DEPDC1B: variants seen among roughly 807,000 people sequenced by gnomAD.
DEPDC1B encodes DEP domain-containing protein 1B.
DEPDC1B carries 51 observed loss-of-function variants against 66.5 expected under a neutral mutation model. The observed-to-expected ratio is 0.77, with a 90% CI of 0.61 to 0.97. The LOEUF (loss-of-function observed/expected upper bound fraction) is 0.97, where lower values mean the gene tolerates loss of function less well. DEPDC1B is among the 50% of genes least tolerant of loss of function. The pLI is 0.00. For synonymous variants in DEPDC1B, 226 were observed against 223.6 expected (o/e 1.01, Z -0.10); for missense variants, 552 against 637.1 (o/e 0.87, Z 1.44).
chr5:60,699,937 C>T, intron 1 of DEPDC1B, 109 bp downstream of exon 1: 1 of 1,350,662 alleles, frequency 7.4e-7, no homozygotes, highest in Non-Finnish European at 1.0e-6. Flanking sequence ...GCTCCACACC[C>T]GAGCCCCGCT....
At chr5:60,602,672 C>T (rs1584018789) in intron 9 of DEPDC1B, among the ~76,000 whole-genome samples, 1 of 152,268 alleles carries the variant, frequency 6.6e-6, no homozygotes, top group East Asian at 1.9e-4. Flanking sequence ...GCAGCAGCTA[C>T]CTTTCAAAGA....
chr5:60,661,409 C>T (rs551469887), intron 2 of DEPDC1B, among the ~76,000 whole-genome samples: 12 of 152,134 alleles, frequency 7.9e-5, no homozygotes, highest in Non-Finnish European at 1.3e-4. Flanking sequence ...GGACTATGCT[C>T]GTCGGAAAAA....
intron 7 of DEPDC1B, among the ~76,000 whole-genome samples, chr5:60,618,057 G>A (rs1253756701): frequency 6.6e-6 from 1 of 152,204 alleles, no homozygotes; most frequent in Non-Finnish European, 1.5e-5. Flanking sequence ...ATAACAAAAT[G>A]AAGGCAGAAA....
intron 7 of DEPDC1B, among the ~76,000 whole-genome samples, chr5:60,616,198 A>G (rs947324976): frequency 1.7e-4 from 26 of 152,354 alleles, no homozygotes; most frequent in African/African-American, 5.8e-4. Flanking sequence ...GGGGAAAAAC[A>G]GAGCAGAAAA....
intron 4 of DEPDC1B, 146 bp from the exon 5 acceptor site, chr5:60,645,021 A>G (rs1345886474): frequency 1.1e-5 from 6 of 555,936 alleles, no homozygotes; most frequent in Non-Finnish European, 1.7e-5. Context: ...GTAGAAATGG[A>G]GTACAATAAA....
chr5:60,683,473 T>TTA (rs939632632), intron 2 of DEPDC1B, among the ~76,000 whole-genome samples: 34 of 151,660 alleles, frequency 2.2e-4, no homozygotes, highest in African/African-American at 4.6e-4. Flanking sequence ...AAAGATTTAC[T>TTA]TATATATATA....
rs148787936 is a variant in DEPDC1B at position 60,676,879 on chromosome 5, A to G, written c.314+10083T>C. Among the ~76,000 whole-genome samples, 776 of 152,276 alleles carry G rather than the reference A, an allele frequency of 5.1e-3. 5 individuals are homozygous for G. Among genetic ancestry groups the G allele is most frequent in the African/African-American group, 0.018 (728 of 41,548 alleles). ...TAATCATGATACAGTCTGGTATAAT[A>G]TTATAGGGAAATGGTGGGGAATGTG... is the stretch of plus-strand genomic sequence containing the variant. On this transcript the variant is annotated intron_variant, in intron 2 of 10. Coordinates refer to ENST00000265036, the MANE Select transcript of DEPDC1B (RefSeq NM_018369.3).
At chr5:60,603,830 T>C (rs963726201) in intron 8 of DEPDC1B, among the ~76,000 whole-genome samples, 4 of 145,136 alleles carry the variant, frequency 2.8e-5, no homozygotes, top group Admixed American at 1.4e-4. Flanking sequence ...AATATACATA[T>C]ATATATATAT....
intron 2 of DEPDC1B, among the ~76,000 whole-genome samples, chr5:60,650,094 T>G (rs1245772562): frequency 6.6e-6 from 1 of 152,126 alleles, no homozygotes; most frequent in African/African-American, 2.4e-5. Context: ...CTTACACTTG[T>G]AGTCCCAGCT....
chr5:60,679,324 G>C (rs1023823769), intron 2 of DEPDC1B, among the ~76,000 whole-genome samples: 1 of 152,120 alleles, frequency 6.6e-6, no homozygotes, highest in African/African-American at 2.4e-5. Flanking sequence ...ATAAAACTGG[G>C]TAGTATGATT....
At chr5:60,654,872 C>T (rs1350191216) in intron 2 of DEPDC1B, among the ~76,000 whole-genome samples, 1 of 148,830 alleles carries the variant, frequency 6.7e-6, no homozygotes, top group Non-Finnish European at 1.5e-5. Flanking sequence ...CTTTCTGTGT[C>T]TATTGGGATG....
intron 7 of DEPDC1B, among the ~76,000 whole-genome samples, chr5:60,629,984 A>G (rs1752888035): frequency 6.6e-6 from 1 of 152,152 alleles, no homozygotes; most frequent in Non-Finnish European, 1.5e-5. Context: ...TGTTTTTCTC[A>G]TATTTTTCTT....
intron 2 of DEPDC1B, among the ~76,000 whole-genome samples, chr5:60,682,718 A>C (rs1317343657): frequency 2.0e-5 from 3 of 152,198 alleles, no homozygotes; most frequent in African/African-American, 7.2e-5. Context: ...AGACACATGT[A>C]ACTTACCATG....
At chr5:60,610,154 G>A (rs1752387036) in intron 7 of DEPDC1B, among the ~76,000 whole-genome samples, 1 of 152,196 alleles carries the variant, frequency 6.6e-6, no homozygotes, top group Admixed American at 6.5e-5. Flanking sequence ...ATGAATGAAT[G>A]AATACATGAA....
intron 2 of DEPDC1B, among the ~76,000 whole-genome samples, chr5:60,649,511 G>A (rs1753394105): frequency 6.6e-6 from 1 of 152,162 alleles, no homozygotes; most frequent in Non-Finnish European, 1.5e-5. Context: ...CTCCAGTGGA[G>A]TACTTCTATT....
At chr5:60,650,614 C>T (rs1753427121) in intron 2 of DEPDC1B, among the ~76,000 whole-genome samples, 1 of 152,194 alleles carries the variant, frequency 6.6e-6, no homozygotes, top group African/African-American at 2.4e-5. Flanking sequence ...ATACACACTA[C>T]TCTTTAGAAA....
At chr5:60,603,606 T>C (rs777095479) in intron 8 of DEPDC1B, 39 bp from the exon 9 acceptor site, 1 of 1,530,068 alleles carries the variant, frequency 6.5e-7, no homozygotes, top group South Asian at 1.3e-5. Flanking sequence ...CGCAGATGAG[T>C]ATTTTTCTGA....
intron 2 of DEPDC1B, among the ~76,000 whole-genome samples, chr5:60,673,107 C>T (rs768838050): frequency 3.0e-4 from 45 of 152,128 alleles, no homozygotes; most frequent in South Asian, 8.3e-4. Context: ...TGGGTTCCCG[C>T]GCCCTTGATC....
At chr5:60,671,866 G>T (rs1754048005) in intron 2 of DEPDC1B, among the ~76,000 whole-genome samples, 1 of 152,178 alleles carries the variant, frequency 6.6e-6, no homozygotes, top group African/African-American at 2.4e-5. Context: ...ACACCAATAG[G>T]TAACAAAGAT....
Sources: gnomAD v4.1 joint callset for allele counts (sites outside exome capture counted in the v4.1 genomes callset) on GRCh38, gnomAD v4.1.1 for gene constraint, MANE v1.5 for transcripts, NCBI Gene and HGNC (gene_info 2026-07-23, HGNC 2026-07-21) for gene names.